Variants in CNTN5 observed in about 807,000 individuals in gnomAD.
CNTN5 encodes contactin 5, also known as contactin-5.
In CNTN5, 77 loss-of-function variants were observed where a neutral mutation model predicts 129.1. That is an observed-to-expected ratio of 0.60 (90% CI 0.50 to 0.72). The LOEUF (loss-of-function observed/expected upper bound fraction) is 0.72, where lower values mean the gene tolerates loss of function less well. CNTN5 is among the 30% of genes least tolerant of loss of function. The pLI, the probability that CNTN5 is intolerant of heterozygous loss-of-function variation, is 0.00. For synonymous variants in CNTN5, 509 were observed against 465.6 expected (o/e 1.09, Z -1.20); for missense variants, 1,478 against 1,328.8 (o/e 1.11, Z -1.75).
Position 99,450,216 on chromosome 11 carries a change from T to C in CNTN5, c.-70-105929T>C, listed in dbSNP as rs112373642. ...GTAATATTTGAAGAAACTCAGAGAATAAATATTTCTCACTATTTGGCAAAA... is the reference window on the plus strand; with the variant it reads ...GTAATATTTGAAGAAACTCAGAGAACAAATATTTCTCACTATTTGGCAAAA... On this transcript the variant is annotated intron_variant, in intron 2 of 24. Transcript: ENST00000524871. Among the ~76,000 whole-genome samples the C allele has an allele frequency of 3.9e-3, 594 of 151,346 alleles. 5 individuals carry two copies. Among genetic ancestry groups the C allele is most frequent in the African/African-American group, 0.014 (561 of 41,242 alleles).
chr11:100,003,249 A>G (rs1939989056), intron 9 of CNTN5, among the ~76,000 whole-genome samples: 1 of 152,204 alleles, frequency 6.6e-6, no homozygotes, highest in Admixed American at 6.5e-5. Flanking sequence ...AGCCAGAAGT[A>G]GAAATAAATT....
chr11:99,354,047 T>G (rs1257598984), intron 2 of CNTN5, among the ~76,000 whole-genome samples: 1 of 152,206 alleles, frequency 6.6e-6, no homozygotes, highest in African/African-American at 2.4e-5. Flanking sequence ...ATAGCATTTT[T>G]AGCAATCTTA....
At chr11:99,638,651 T>A (rs1321592544) in intron 3 of CNTN5, among the ~76,000 whole-genome samples, 1 of 152,164 alleles carries the variant, frequency 6.6e-6, no homozygotes, top group Non-Finnish European at 1.5e-5. Context: ...AAAGGGGTTT[T>A]CAGGGTCCAT....
chr11:100,032,104 A>G (rs1941743511), intron 9 of CNTN5, among the ~76,000 whole-genome samples: 1 of 152,180 alleles, frequency 6.6e-6, no homozygotes, highest in Non-Finnish European at 1.5e-5. Context: ...ATTCAACTTG[A>G]AACAATGTTT....
chr11:99,160,731 G>A (rs1860568155), intron 1 of CNTN5, among the ~76,000 whole-genome samples: 1 of 152,018 alleles, frequency 6.6e-6, no homozygotes, highest in African/African-American at 2.4e-5. Context: ...TTGAAGCACT[G>A]GCAAAGATAC....
At chr11:99,048,621 T>C (rs1163621992) in intron 1 of CNTN5, among the ~76,000 whole-genome samples, 2 of 152,222 alleles carry the variant, frequency 1.3e-5, no homozygotes, top group Non-Finnish European at 2.9e-5. Context: ...TTCTAAGTCA[T>C]AGTGCATCAT....
chr11:99,142,302 G>A (rs530964085), intron 1 of CNTN5, among the ~76,000 whole-genome samples: 170 of 33,282 alleles, frequency 5.1e-3, no homozygotes, highest in African/African-American at 0.021. Flanking sequence ...GTGGAGTTGA[G>A]CTTGTGGTGG....
At chr11:99,486,986 C>T (rs895176990) in intron 2 of CNTN5, among the ~76,000 whole-genome samples, 2 of 152,122 alleles carry the variant, frequency 1.3e-5, no homozygotes, top group African/African-American at 4.8e-5. Context: ...CTGTCTTTTC[C>T]TCTGGTATTT....
chr11:100,351,587 C>A (rs1382848031), intron 24 of CNTN5, among the ~76,000 whole-genome samples: 1 of 132,770 alleles, frequency 7.5e-6, no homozygotes. Flanking sequence ...ATTACATAAG[C>A]AAGGGAAAAC....
At chr11:99,709,000 G>A (rs1565448117) in intron 3 of CNTN5, among the ~76,000 whole-genome samples, 1 of 151,668 alleles carries the variant, frequency 6.6e-6, no homozygotes, top group Non-Finnish European at 1.5e-5. Context: ...TAATCCATTG[G>A]TTTTGTTTTC....
chr11:99,914,605 A>G (rs900669251), intron 6 of CNTN5, among the ~76,000 whole-genome samples: 3 of 152,108 alleles, frequency 2.0e-5, no homozygotes, highest in African/African-American at 7.2e-5. Context: ...TTTTAAAGTA[A>G]CAATCCCCCA....
At chr11:100,021,997 C>T (rs1462087933) in intron 9 of CNTN5, among the ~76,000 whole-genome samples, 1 of 152,122 alleles carries the variant, frequency 6.6e-6, no homozygotes, top group Non-Finnish European at 1.5e-5. Context: ...CTGCTTTTTC[C>T]AGCCTCACTG....
chr11:99,112,106 A>G (rs989469171), intron 1 of CNTN5, among the ~76,000 whole-genome samples: 6 of 152,096 alleles, frequency 3.9e-5, no homozygotes, highest in African/African-American at 1.4e-4. Context: ...AATAAAAACT[A>G]TATTCATCAA....
rs541536502 is a variant in CNTN5 at position 100,128,405 on chromosome 11, T to A, written c.1580+54111T>A. Among the ~76,000 whole-genome samples the A allele has an allele frequency of 1.4e-3, 219 of 152,286 alleles. 1 individual carries two copies. The highest frequency in any genetic ancestry group is 1.6e-4 in the Non-Finnish European group (11 of 68,016). On this transcript the variant is annotated intron_variant, in intron 13 of 24. Coordinates refer to ENST00000524871, the MANE Select transcript of CNTN5 (RefSeq NM_014361.4). The stretch of plus-strand genomic sequence containing the variant: ...TTGTTCATGTTTATTTCAAGTTGCA[T>A]AATGGCTCCCAAAGAGGTCCATATC...
At chr11:99,654,965 A>G (rs1259775554) in intron 3 of CNTN5, among the ~76,000 whole-genome samples, 1 of 152,022 alleles carries the variant, frequency 6.6e-6, no homozygotes, top group Non-Finnish European at 1.5e-5. Flanking sequence ...CTCAACTTAT[A>G]TGGGTTTAGA....
intron 2 of CNTN5, among the ~76,000 whole-genome samples, chr11:99,399,977 G>C (rs1306520166): frequency 2.0e-5 from 3 of 151,966 alleles, no homozygotes; most frequent in Non-Finnish European, 1.5e-5. Context: ...ATCCCCTCAA[G>C]TATTTCTCTT....
chr11:99,798,704 T>A (rs937673807), intron 3 of CNTN5, among the ~76,000 whole-genome samples: 1 of 152,160 alleles, frequency 6.6e-6, no homozygotes, highest in Non-Finnish European at 1.5e-5. Context: ...TTGTGGTGCC[T>A]CCAGTTTTGT....
At chr11:99,302,173 G>A (rs928466164) in intron 1 of CNTN5, among the ~76,000 whole-genome samples, 10 of 151,184 alleles carry the variant, frequency 6.6e-5, no homozygotes, top group Admixed American at 2.0e-4. Flanking sequence ...AGAAAAAGAA[G>A]AGCAAGCTAA....
At chr11:99,733,382 C>T (rs2048516) in intron 3 of CNTN5, among the ~76,000 whole-genome samples, 1 of 137,036 alleles carries the variant, frequency 7.3e-6, no homozygotes, top group Non-Finnish European at 1.6e-5. Context: ...GCTGGTTTCA[C>T]TATGTCTCAT....
Sources: gnomAD v4.1 joint callset for allele counts (sites outside exome capture counted in the v4.1 genomes callset) on GRCh38, gnomAD v4.1.1 for gene constraint, MANE v1.5 for transcripts, NCBI Gene and HGNC (gene_info 2026-07-23, HGNC 2026-07-21) for gene names.